Variants in CSMD1 observed in about 807,000 individuals in gnomAD.
CSMD1 encodes the protein CUB and Sushi multiple domains 1.
A neutral mutation model predicts 417.5 loss-of-function variants in CSMD1; 213 were observed. That is an observed-to-expected ratio of 0.51 (90% confidence interval 0.46 to 0.57). The LOEUF is 0.57. Ranked by LOEUF, CSMD1 falls within the 20% of genes least tolerant of loss-of-function variation. CSMD1 has a pLI of 0.00. For missense variants in CSMD1, 6,923 were observed against 4,529.7 expected (o/e 1.53, Z -15.17); for synonymous variants, 2,862 against 1,736.8 (o/e 1.65, Z -16.11).
chr8:4,168,172 C>T (rs1005926959), intron 3 of CSMD1, among the ~76,000 whole-genome samples: 1 of 149,474 alleles, frequency 6.7e-6, no homozygotes, highest in African/African-American at 2.5e-5. Context: ...CACACACACA[C>T]ACACATACAC....
intron 5 of CSMD1, among the ~76,000 whole-genome samples, chr8:3,991,907 C>T (rs997607274): frequency 2.0e-5 from 3 of 152,188 alleles, no homozygotes; most frequent in African/African-American, 4.8e-5. Context: ...CTCCAAGTAG[C>T]AGTAGCAACT....
chr8:4,058,257 G>T (rs966659030), intron 3 of CSMD1, among the ~76,000 whole-genome samples: 5 of 151,982 alleles, frequency 3.3e-5, no homozygotes, highest in African/African-American at 4.8e-5. Context: ...CACATCCCTT[G>T]TAAGTTGGAT....
At chr8:4,328,720 T>C (rs940748561) in intron 3 of CSMD1, among the ~76,000 whole-genome samples, 1 of 152,226 alleles carries the variant, frequency 6.6e-6, no homozygotes, top group South Asian at 2.1e-4. Flanking sequence ...ATACTATGGC[T>C]ATTTCTTTAC....
intron 7 of CSMD1, among the ~76,000 whole-genome samples, chr8:3,650,375 T>C (rs1432241660): frequency 6.6e-6 from 1 of 152,150 alleles, no homozygotes; most frequent in Non-Finnish European, 1.5e-5. Context: ...TGTGTTACCA[T>C]GCTTTAATTA....
rs73657891 is a variant in CSMD1, at chr8:3,419,791, G to A, written c.1562-10186C>T. ...AAAAGAAATAATCTTCATCAATACA[G>A]TTTTGCATAAATTAATTGCTTTATT... On this transcript the variant is annotated intron_variant, in intron 12 of 69. Coordinates refer to ENST00000635120, the MANE Select transcript of CSMD1 (RefSeq NM_033225.6). Among the ~76,000 whole-genome samples the A allele has an allele frequency of 5.7e-3, 872 of 152,258 alleles. 7 individuals are homozygous for A. The highest frequency in any genetic ancestry group is 0.019 in the African/African-American group (809 of 41,550).
intron 25 of CSMD1, among the ~76,000 whole-genome samples, chr8:3,305,714 C>T (rs776448265): frequency 2.0e-5 from 3 of 152,180 alleles, no homozygotes; most frequent in Non-Finnish European, 4.4e-5. Flanking sequence ...CACAGTCTCA[C>T]TGTTGCCCAG....
At chr8:3,977,813 A>G (rs1295748324) in intron 5 of CSMD1, among the ~76,000 whole-genome samples, 2 of 152,190 alleles carry the variant, frequency 1.3e-5, no homozygotes, top group Admixed American at 6.5e-5. Context: ...ATTTCCTTAT[A>G]TGATTCTGTA....
chr8:4,423,347 T>C (rs1457213261), intron 2 of CSMD1, among the ~76,000 whole-genome samples: 2 of 152,092 alleles, frequency 1.3e-5, no homozygotes, highest in Admixed American at 6.6e-5. Flanking sequence ...GAGCTAATAC[T>C]TGATATCATC....
At chr8:3,570,466 C>T (rs78472610) in intron 10 of CSMD1, among the ~76,000 whole-genome samples, 3,701 of 152,248 alleles carry the variant, frequency 0.024, 156 homozygotes, top group African/African-American at 0.084. Flanking sequence ...GCCAAACATG[C>T]CTCATTTCAT....
chr8:3,103,170 G>C (rs1815882877), intron 46 of CSMD1, among the ~76,000 whole-genome samples: 1 of 152,180 alleles, frequency 6.6e-6, no homozygotes, highest in South Asian at 2.1e-4. Flanking sequence ...TAGACATATA[G>C]CTAAGGAGGT....
intron 11 of CSMD1, among the ~76,000 whole-genome samples, chr8:3,493,366 G>C (rs933239091): frequency 1.3e-5 from 2 of 151,100 alleles, no homozygotes; most frequent in African/African-American, 4.9e-5. Context: ...TACCTCATGA[G>C]TATACTAATT....
intron 5 of CSMD1, among the ~76,000 whole-genome samples, chr8:3,803,106 C>G (rs748512374): frequency 1.3e-5 from 2 of 152,306 alleles, no homozygotes; most frequent in Admixed American, 6.5e-5. Context: ...GCAGTGTTCT[C>G]TCCATCATGC....
rs756445892 is a variant in CSMD1 at position 3,387,528 on chromosome 8, G to A, written c.2748C>T (p.Asn916=). 7 of 1,602,396 alleles carry A rather than the reference G, an allele frequency of 4.4e-6. No homozygotes were observed. The Admixed American group carries it at 6.8e-5, about 16-fold the overall frequency. ...SDDEPLVCER[N]HQWNHALPSC... ...TGGGCAAGGCGTGGTTCCACTGGTG[G>A]TTCCTCTCACAGACGAGGGGCTCGT... The change falls in exon 18 of 70, where the codon AAC becomes AAT. Residue 916 remains asparagine, a synonymous_variant. Coordinates refer to ENST00000635120, the MANE Select transcript of CSMD1 (RefSeq NM_033225.6).
At chr8:3,604,429 A>G (rs778452601) in intron 8 of CSMD1, among the ~76,000 whole-genome samples, 1 of 152,162 alleles carries the variant, frequency 6.6e-6, no homozygotes, top group Non-Finnish European at 1.5e-5. Context: ...ATCTCTTAGC[A>G]TTGCTGAGAG....
chr8:4,876,955 G>A (rs890857833), intron 1 of CSMD1, among the ~76,000 whole-genome samples: 3 of 151,948 alleles, frequency 2.0e-5, no homozygotes, highest in Admixed American at 6.6e-5. Flanking sequence ...TACACATTAT[G>A]TAATTTTATG....
intron 3 of CSMD1, among the ~76,000 whole-genome samples, chr8:4,045,176 G>A (rs1449115980): frequency 6.6e-6 from 1 of 152,118 alleles, no homozygotes; most frequent in Admixed American, 6.5e-5. Flanking sequence ...TGGGGTACCG[G>A]GTGCTGAGGT....
At position 4,374,664 on chromosome 8, in the gene CSMD1, C is replaced by T. The variant is rs369162768; in HGVS notation, c.415+45289G>A. ...TTTAGCTGGATGTTTTCTGAGTAGA[C>T]GGCTAGATTATAAAGGTGGCATTTA... is the stretch of plus-strand genomic sequence containing the variant. On this transcript the variant is annotated intron_variant, in intron 3 of 69. Transcript: ENST00000635120. Among the ~76,000 whole-genome samples, 10 of 152,132 alleles carry T rather than the reference C, an allele frequency of 6.6e-5. No homozygotes were observed. In the East Asian group the frequency reaches 1.7e-3, roughly 27 times the overall value.
chr8:3,802,782 C>T (rs1240858067), intron 5 of CSMD1, among the ~76,000 whole-genome samples: 1 of 152,136 alleles, frequency 6.6e-6, no homozygotes, highest in East Asian at 1.9e-4. Flanking sequence ...AAGCTTAGCT[C>T]CCTTTGCTTT....
intron 33 of CSMD1, among the ~76,000 whole-genome samples, chr8:3,194,280 A>T (rs1005436010): frequency 5.3e-5 from 8 of 152,102 alleles, no homozygotes; most frequent in Non-Finnish European, 1.2e-4. Flanking sequence ...CAATCAAAAC[A>T]TGTATTTGCC....
Sources: gnomAD v4.1 joint callset for allele counts (sites outside exome capture counted in the v4.1 genomes callset) on GRCh38, gnomAD v4.1.1 for gene constraint, MANE v1.5 for transcripts, NCBI Gene and HGNC (gene_info 2026-07-23, HGNC 2026-07-21) for gene names.